NEK5: variants seen among roughly 807,000 people sequenced by gnomAD.
The protein encoded by NEK5 is NIMA related kinase 5, also known as serine/threonine-protein kinase Nek5.
Under a neutral mutation model 109.2 loss-of-function variants are expected in NEK5, and 88 were observed. The observed-to-expected ratio is 0.81, with a 90% CI of 0.68 to 0.96. The LOEUF (loss-of-function observed/expected upper bound fraction) is 0.96, where lower values mean the gene tolerates loss of function less well. Ranked by LOEUF, NEK5 falls within the 40% of genes least tolerant of loss-of-function variation. NEK5 has a pLI of 0.00. For synonymous variants in NEK5, 283 were observed against 299.9 expected, an observed-to-expected ratio of 0.94 and a Z score of 0.58; for missense variants, 834 against 920.7, an observed-to-expected ratio of 0.91 and a Z score of 1.22.
intron 13 of NEK5, 104 bp from the exon 14 acceptor site, chr13:52,089,417 G>A (rs1955229007): frequency 3.0e-6 from 2 of 670,652 alleles, no homozygotes; most frequent in Admixed American, 3.0e-5. Flanking sequence ...CAATTCACCA[G>A]TGGCTTGAAG....
intron 23 of NEK5, among the ~76,000 whole-genome samples, chr13:52,041,551 A>C (rs918669141): frequency 1.3e-5 from 2 of 151,844 alleles, no homozygotes; most frequent in African/African-American, 4.8e-5. Flanking sequence ...AACATGGTGA[A>C]ACCCCATCTC....
chr13:52,087,928 C>CTTT (rs758944022), intron 14 of NEK5, among the ~76,000 whole-genome samples: 3 of 110,302 alleles, frequency 2.7e-5, no homozygotes, highest in South Asian at 3.2e-4. Flanking sequence ...CCCAGCCTTT[C>CTTT]TTTTTTTTTT....
chr13:52,110,607 G>A (rs913918527), intron 5 of NEK5, 30 bp from the exon 6 acceptor site: 1 of 1,367,726 alleles, frequency 7.3e-7, no homozygotes, highest in African/African-American at 1.4e-5. Flanking sequence ...CAAAGCCACT[G>A]AATAGCCTGG....
chr13:52,077,671 C>T (rs117010769), intron 17 of NEK5, among the ~76,000 whole-genome samples: 44 of 152,260 alleles, frequency 2.9e-4, no homozygotes, highest in African/African-American at 1.0e-3. Context: ...TTCTGGAACA[C>T]CATTTGGTAG....
chr13:52,100,768 A>G (rs1266453925), intron 11 of NEK5, among the ~76,000 whole-genome samples: 1 of 152,222 alleles, frequency 6.6e-6, no homozygotes, highest in Non-Finnish European at 1.5e-5. Flanking sequence ...TGGACAATAC[A>G]CAGTCCCATA....
intron 21 of NEK5, chr13:52,064,770 C>T (rs557117644): frequency 4.8e-4 from 110 of 230,768 alleles, no homozygotes; most frequent in African/African-American, 2.2e-3. Context: ...CATTTTGTTC[C>T]GTACTAAGAA....
At chr13:52,127,228 T>A in intron 3 of NEK5, 138 bp downstream of exon 3, 1 of 591,880 alleles carries the variant, frequency 1.7e-6, no homozygotes. Context: ...GACAATGGAC[T>A]TAGGAGGTTG....
intron 5 of NEK5, among the ~76,000 whole-genome samples, chr13:52,111,027 TG>T (rs1955748914): frequency 6.6e-6 from 1 of 151,896 alleles, no homozygotes. Flanking sequence ...GAGGAAGAAA[TG>T]GGGGATCTGT....
At chr13:52,059,921 T>A (rs960528960) in intron 22 of NEK5, among the ~76,000 whole-genome samples, 13 of 152,074 alleles carry the variant, frequency 8.5e-5, no homozygotes, top group African/African-American at 2.9e-4. Flanking sequence ...AACCTGCACA[T>A]TGTGCACATG....
At chr13:52,116,178 C>A (rs1284262953) in intron 4 of NEK5, among the ~76,000 whole-genome samples, 275 of 115,806 alleles carry the variant, frequency 2.4e-3, no homozygotes, top group Admixed American at 3.8e-3. Flanking sequence ...AAGACTGTCT[C>A]AAAAAAAAAA....
chr13:52,084,140 G>A (rs1028889279), intron 16 of NEK5, among the ~76,000 whole-genome samples: 3 of 152,166 alleles, frequency 2.0e-5, no homozygotes, highest in Admixed American at 6.5e-5. Context: ...CACCTACAGG[G>A]CTTACTCTAT....
intron 20 of NEK5, among the ~76,000 whole-genome samples, chr13:52,065,894 T>C (rs1327143553): frequency 6.6e-6 from 1 of 152,220 alleles, no homozygotes; most frequent in African/African-American, 2.4e-5. Flanking sequence ...ACTTTCAATC[T>C]AGTCTTTTTC....
chr13:52,101,790 C>T, intron 11 of NEK5, 143 bp downstream of exon 11: 1 of 686,654 alleles, frequency 1.5e-6, no homozygotes, highest in South Asian at 1.7e-5. Flanking sequence ...TGCCATTTGA[C>T]AAGATGATTT....
chr13:52,127,700 A>G, intron 1 of NEK5, 38 bp from the exon 2 acceptor site: 1 of 488,926 alleles, frequency 2.0e-6, no homozygotes, highest in East Asian at 3.4e-5. Context: ...GACACGGGTC[A>G]TAGCTCAGCT....
At chr13:52,045,477 A>G (rs1390686638) in intron 23 of NEK5, among the ~76,000 whole-genome samples, 1 of 150,342 alleles carries the variant, frequency 6.7e-6, no homozygotes, top group African/African-American at 2.4e-5. Context: ...GAAAAAAAAA[A>G]GTTGGGGGCC....
At chr13:52,050,068 G>T in intron 23 of NEK5, 36 bp downstream of exon 23, 1 of 780,198 alleles carries the variant, frequency 1.3e-6, no homozygotes, top group Non-Finnish European at 1.6e-6. Flanking sequence ...CTTTGTACCA[G>T]TGCTCGACTT....
intron 20 of NEK5, among the ~76,000 whole-genome samples, chr13:52,068,288 T>C (rs929059431): frequency 2.6e-5 from 4 of 152,168 alleles, no homozygotes; most frequent in African/African-American, 9.7e-5. Flanking sequence ...TTCTGGGTAA[T>C]ACCTCAGACA....
chr13:52,058,358 G>A (rs1275221946), intron 22 of NEK5, among the ~76,000 whole-genome samples: 24 of 146,894 alleles, frequency 1.6e-4, no homozygotes, highest in Admixed American at 1.1e-3. Context: ...AATCAATATC[G>A]TGAAAATGGC....
intron 8 of NEK5, among the ~76,000 whole-genome samples, chr13:52,106,575 G>T (rs534538253): frequency 6.6e-6 from 1 of 152,040 alleles, no homozygotes; most frequent in Non-Finnish European, 1.5e-5. Context: ...AGACCAGCCC[G>T]ACCAACATGG....
Sources: gnomAD v4.1 joint callset for allele counts (sites outside exome capture counted in the v4.1 genomes callset) on GRCh38, gnomAD v4.1.1 for gene constraint, MANE v1.5 for transcripts, NCBI Gene and HGNC (gene_info 2026-07-23, HGNC 2026-07-21) for gene names.